STT3B: variants seen among roughly 807,000 people sequenced by gnomAD.
STT3B encodes the protein dolichyl-diphosphooligosaccharide--protein glycosyltransferase subunit STT3B.
In STT3B, 29 loss-of-function variants were observed where a neutral mutation model predicts 96.8. That is an observed-to-expected ratio of 0.30 (90% CI 0.22 to 0.41). The LOEUF is 0.41. Ranked by LOEUF, STT3B falls within the 10% of genes least tolerant of loss-of-function variation. The probability of loss-of-function intolerance (pLI) is 1.00; values close to 1 mark genes in which losing one functional copy is unlikely to be tolerated. For missense variants in STT3B, 640 were observed against 1,022.3 expected (o/e 0.63, Z 5.10); for synonymous variants, 367 against 360.0 (o/e 1.02, Z -0.22).
At chr3:31,560,664 C>G (rs555458809) in intron 1 of STT3B, among the ~76,000 whole-genome samples, 1 of 152,006 alleles carries the variant, frequency 6.6e-6, no homozygotes, top group South Asian at 2.1e-4. Flanking sequence ...ACTCTTTTCT[C>G]TTGCTGTTTG....
chr3:31,546,675 G>A (rs760710772), intron 1 of STT3B, among the ~76,000 whole-genome samples: 3 of 152,112 alleles, frequency 2.0e-5, no homozygotes, highest in Non-Finnish European at 2.9e-5. Flanking sequence ...TTTATCTCCC[G>A]TAAAATATCT....
chr3:31,547,473 C>T (rs1184208039), intron 1 of STT3B, among the ~76,000 whole-genome samples: 9 of 152,150 alleles, frequency 5.9e-5, no homozygotes, highest in East Asian at 1.9e-4. Flanking sequence ...GGTGAAACCC[C>T]GTCTCTACTA....
intron 3 of STT3B, among the ~76,000 whole-genome samples, chr3:31,589,327 T>C (rs1698614517): frequency 6.6e-6 from 1 of 152,118 alleles, no homozygotes; most frequent in Non-Finnish European, 1.5e-5. Flanking sequence ...CATTTATTGA[T>C]TCCAGTAATT....
At chr3:31,551,162 C>T (rs113682704) in intron 1 of STT3B, among the ~76,000 whole-genome samples, 10 of 151,904 alleles carry the variant, frequency 6.6e-5, no homozygotes, top group Non-Finnish European at 8.8e-5. Context: ...TTGAATTGTA[C>T]TCCTTTCCTT....
At chr3:31,567,265 C>T (rs565611001) in intron 1 of STT3B, among the ~76,000 whole-genome samples, 3 of 152,312 alleles carry the variant, frequency 2.0e-5, no homozygotes, top group Non-Finnish European at 4.4e-5. Context: ...CCTTTTGCTG[C>T]ACCTCTTTAC....
chr3:31,593,942 AT>A (rs1275158424), intron 3 of STT3B, among the ~76,000 whole-genome samples: 3 of 151,988 alleles, frequency 2.0e-5, no homozygotes, highest in Non-Finnish European at 4.4e-5. Context: ...ACCTGTCCAA[AT>A]TTGGGTCACA....
Position 31,606,951 on chromosome 3 carries a change from G to A in STT3B, c.877+6492G>A, listed in dbSNP as rs552537295. On this transcript the variant is annotated intron_variant, in intron 5 of 15. Coordinates refer to ENST00000295770, the MANE Select transcript of STT3B (RefSeq NM_178862.3). ...ATGGAAACCCACCTCTTGTATCAGC[G>A]TGACCTGGATGTGAGACATGGAGTC... is the stretch of plus-strand genomic sequence containing the variant. 1.1e-4 allele frequency among the ~76,000 whole-genome samples: 17 copies of A among 152,332 alleles called. No individual in the cohort carries two copies. The South Asian group carries it at 1.7e-3, about 15-fold the overall frequency.
intron 5 of STT3B, among the ~76,000 whole-genome samples, chr3:31,605,027 G>A (rs1189041735): frequency 2.6e-5 from 4 of 152,130 alleles, no homozygotes; most frequent in Non-Finnish European, 5.9e-5. Flanking sequence ...TATATGAAAG[G>A]TGCTTAATAA....
rs548528771 is a variant in STT3B, at chr3:31,557,850, T to C, written c.315-18546T>C. On this transcript the variant is annotated intron_variant, in intron 1 of 15. Transcript: ENST00000295770. ...GGTTTCACTGTTAGCTAGGATGGTC[T>C]TGATCTCCTGACCTCGTGATCCGCC... Among the ~76,000 whole-genome samples the C allele has an allele frequency of 9.2e-5, 14 of 152,304 alleles. No individual in the cohort carries two copies. In the East Asian group the frequency reaches 2.7e-3, roughly 29 times the overall value.
chr3:31,543,207 G>A (rs1453090193), intron 1 of STT3B, among the ~76,000 whole-genome samples: 1 of 152,074 alleles, frequency 6.6e-6, no homozygotes, highest in Non-Finnish European at 1.5e-5. Flanking sequence ...ACTTAGGACT[G>A]TTTATTTGGC....
At chr3:31,582,249 A>G (rs759041567) in intron 3 of STT3B, among the ~76,000 whole-genome samples, 1 of 149,244 alleles carries the variant, frequency 6.7e-6, no homozygotes, top group Non-Finnish European at 1.5e-5. Context: ...TTATTTATTC[A>G]ATTTTGTCTT....
chr3:31,565,549 T>C (rs1697984551), intron 1 of STT3B, among the ~76,000 whole-genome samples: 1 of 152,214 alleles, frequency 6.6e-6, no homozygotes, highest in Admixed American at 6.5e-5. Context: ...TTCAGTTATC[T>C]GAAGATTGAC....
chr3:31,567,640 C>T (rs1698036765), intron 1 of STT3B, among the ~76,000 whole-genome samples: 1 of 152,026 alleles, frequency 6.6e-6, no homozygotes, highest in African/African-American at 2.4e-5. Flanking sequence ...CCTTTGCCAC[C>T]TCAAAATTTG....
At chr3:31,602,240 C>T (rs1220639201) in intron 5 of STT3B, among the ~76,000 whole-genome samples, 1 of 151,908 alleles carries the variant, frequency 6.6e-6, no homozygotes, top group Non-Finnish European at 1.5e-5. Context: ...TATTTCTCTA[C>T]CCCAAAAACA....
chr3:31,602,852 C>T (rs1294558748), intron 5 of STT3B, among the ~76,000 whole-genome samples: 6 of 151,804 alleles, frequency 4.0e-5, no homozygotes, highest in African/African-American at 1.4e-4. Context: ...TATAATTATC[C>T]AGGAGTATTT....
intron 4 of STT3B, among the ~76,000 whole-genome samples, chr3:31,597,180 G>C (rs906640828): frequency 5.3e-5 from 8 of 151,950 alleles, no homozygotes; most frequent in Non-Finnish European, 1.2e-4. Flanking sequence ...TTTATTTTGA[G>C]ACGGAGTTTT....
chr3:31,572,108 ATATT>A (rs1698171138), intron 1 of STT3B, among the ~76,000 whole-genome samples: 1 of 131,182 alleles, frequency 7.6e-6, no homozygotes, highest in Non-Finnish European at 1.5e-5. Flanking sequence ...TTAAATATAT[ATATT>A]ATATATCTCA....
chr3:31,630,631 C>G (rs1699634581), intron 14 of STT3B, among the ~76,000 whole-genome samples: 1 of 152,174 alleles, frequency 6.6e-6, no homozygotes, highest in South Asian at 2.1e-4. Flanking sequence ...TCACTGAAAA[C>G]TGCTTATTTC....
rs5847707 is a variant in STT3B at position 31,617,186 on chromosome 3, C to CTT, written c.1123+125_1123+126dup. The CTT allele has an allele frequency of 0.36, 176,623 of 487,760 alleles. 19,223 individuals are homozygous for CTT. Among genetic ancestry groups the CTT allele is most frequent in the Admixed American group, 0.43 (10,086 of 23,416 alleles). 30.2% of individuals were successfully genotyped at this position (487,760 alleles called of 1,614,324 possible). A position where few individuals can be genotyped will look rare whatever the true frequency, so the allele number is the denominator to read the frequency against. ...AGCATGACTACAAAGTGATTTTTTT[C>CTT]TTTTTTTTTTTTTTTGAATAGTATA... On this transcript the variant is annotated intron_variant, in intron 7 of 15. Transcript: ENST00000295770.
Sources: gnomAD v4.1 joint callset for allele counts (sites outside exome capture counted in the v4.1 genomes callset) on GRCh38, gnomAD v4.1.1 for gene constraint, MANE v1.5 for transcripts, NCBI Gene and HGNC (gene_info 2026-07-23, HGNC 2026-07-21) for gene names.